Variants in HCFC2 observed in about 807,000 individuals in gnomAD.
The protein encoded by HCFC2 is host cell factor C2.
Under a neutral mutation model 89.2 loss-of-function variants are expected in HCFC2, and 18 were observed. The ratio of observed to expected loss-of-function variants is 0.20; its 90% CI spans 0.14 to 0.30. The LOEUF is 0.30. Ranked by LOEUF, HCFC2 falls within the 10% of genes least tolerant of loss-of-function variation. The probability of loss-of-function intolerance (pLI) is 1.00; values close to 1 mark genes in which losing one functional copy is unlikely to be tolerated. For missense variants in HCFC2, 578 were observed against 956.1 expected (o/e 0.60, Z 5.21); for synonymous variants, 308 against 335.7 (o/e 0.92, Z 0.90).
At chr12:104,094,438 C>G (rs1422446173) in intron 10 of HCFC2, among the ~76,000 whole-genome samples, 1 of 152,040 alleles carries the variant, frequency 6.6e-6, no homozygotes, top group African/African-American at 2.4e-5. Context: ...GAGGCATGAT[C>G]TATGCCTGCC....
At chr12:104,066,632 G>A (rs1455396022) in intron 2 of HCFC2, among the ~76,000 whole-genome samples, 2 of 152,168 alleles carry the variant, frequency 1.3e-5, no homozygotes. Flanking sequence ...ATATATTTAG[G>A]TTTTTGTATC....
At chr12:104,076,109 T>C (rs1883487047) in intron 3 of HCFC2, among the ~76,000 whole-genome samples, 1 of 152,268 alleles carries the variant, frequency 6.6e-6, no homozygotes, top group South Asian at 2.1e-4. Context: ...TTCTTGACTG[T>C]GTACAAGGTT....
chr12:104,077,102 C>T (rs780404963), intron 3 of HCFC2, among the ~76,000 whole-genome samples: 29 of 152,182 alleles, frequency 1.9e-4, no homozygotes, highest in Non-Finnish European at 3.5e-4. Flanking sequence ...GTTGTGTGAG[C>T]GGTCATTATC....
At chr12:104,082,939 AG>A in intron 7 of HCFC2, 38 bp downstream of exon 7, 1 of 1,471,840 alleles carries the variant, frequency 6.8e-7, no homozygotes, top group Non-Finnish European at 9.3e-7. Flanking sequence ...TTTTTCCTTT[AG>A]GTAAGCACTC....
At chr12:104,072,670 T>C (rs1883355843) in intron 3 of HCFC2, among the ~76,000 whole-genome samples, 1 of 151,404 alleles carries the variant, frequency 6.6e-6, no homozygotes, top group East Asian at 1.9e-4. Context: ...TGAGATGGAG[T>C]CTCGCTCTGT....
At chr12:104,066,106 C>A in intron 1 of HCFC2, 61 bp from the exon 2 acceptor site, 2 of 1,488,692 alleles carry the variant, frequency 1.3e-6, no homozygotes, top group Non-Finnish European at 1.9e-6. Flanking sequence ...TATATATTTG[C>A]TGATAGTATA....
At chr12:104,077,777 C>CT (rs1593596688) in intron 3 of HCFC2, among the ~76,000 whole-genome samples, 1 of 151,842 alleles carries the variant, frequency 6.6e-6, no homozygotes, top group East Asian at 1.9e-4. Context: ...AAATTACTGT[C>CT]TTTTTTTAAA....
rs183267808 is a variant in HCFC2 at position 104,104,556 on chromosome 12, T to A, written c.*1283T>A. ...TCTTTTTTTATACCACATAACCTTA[T>A]GCCAGTTTAGGTTGACTGAGTAGCT... On this transcript the variant is annotated 3_prime_UTR_variant, in exon 15 of 15. Coordinates refer to ENST00000229330, the MANE Select transcript of HCFC2 (RefSeq NM_013320.3). The A allele has an allele frequency of 2.0e-5, 3 of 152,148 alleles. No homozygotes were observed. The highest frequency in any genetic ancestry group is 4.8e-5 in the African/African-American group (2 of 41,562). 9.4% of individuals were successfully genotyped at this position (152,148 alleles called of 1,614,324 possible).
chr12:104,086,377 G>A (rs1883843998), intron 7 of HCFC2, among the ~76,000 whole-genome samples: 1 of 152,038 alleles, frequency 6.6e-6, no homozygotes, highest in Admixed American at 6.6e-5. Context: ...AATGTACGCT[G>A]TTGGCTGAAA....
rs190036947 is a variant in HCFC2 at position 104,096,287 on chromosome 12, A to G, written c.1667-73A>G. 183 of 973,176 alleles carry G rather than the reference A, an allele frequency of 1.9e-4. No homozygotes were observed. The African/African-American group carries it at 2.7e-3, about 14-fold the overall frequency. 60.3% of individuals were successfully genotyped at this position (973,176 alleles called of 1,614,324 possible). On this transcript the variant is annotated intron_variant, in intron 11 of 14. Transcript: ENST00000229330. Reference sequence around the variant, plus strand: ...GTTTACAGTTGGTGGCATTAAATATATATTTAAAAATTATATTTTAATGTA... The same window carrying G: ...GTTTACAGTTGGTGGCATTAAATATGTATTTAAAAATTATATTTTAATGTA...
chr12:104,084,467 G>A (rs1328739899), intron 7 of HCFC2, among the ~76,000 whole-genome samples: 1 of 152,182 alleles, frequency 6.6e-6, no homozygotes, highest in Non-Finnish European at 1.5e-5. Context: ...AGGAGTCTGA[G>A]ATGGGAATAC....
Position 104,079,146 on chromosome 12 carries a change from T to C in HCFC2, c.474-299T>C, listed in dbSNP as rs553275919. Among the ~76,000 whole-genome samples, 8 of 152,328 alleles carry C rather than the reference T, an allele frequency of 5.3e-5. No individual in the cohort carries two copies. The East Asian group carries it at 1.4e-3, about 26-fold the overall frequency. On this transcript the variant is annotated intron_variant, in intron 3 of 14. Transcript: ENST00000229330. ...GGAAGATTGTCAGAGGATTTGTAGCTATGTTTTAACACCAACAGTTGGCAA... is the reference window on the plus strand; with the variant it reads ...GGAAGATTGTCAGAGGATTTGTAGCCATGTTTTAACACCAACAGTTGGCAA...
At chr12:104,074,834 C>T (rs982951186) in intron 3 of HCFC2, among the ~76,000 whole-genome samples, 1 of 152,084 alleles carries the variant, frequency 6.6e-6, no homozygotes, top group East Asian at 1.9e-4. Flanking sequence ...GGGTTATGTT[C>T]TGAGGTCATG....
At chr12:104,100,137 C>T (rs375261379) in intron 13 of HCFC2, among the ~76,000 whole-genome samples, 13 of 152,130 alleles carry the variant, frequency 8.5e-5, no homozygotes, top group African/African-American at 2.9e-4. Flanking sequence ...CCCTGATATG[C>T]TATTAAATAC....
chr12:104,086,760 T>G, intron 7 of HCFC2, 87 bp from the exon 8 acceptor site: 1 of 1,213,548 alleles, frequency 8.2e-7, no homozygotes, highest in East Asian at 2.4e-5. Context: ...TTGCTGATGT[T>G]TTCAAAGCTC....
chr12:104,103,338 G>A lies in HCFC2; in HGVS notation c.*65G>A. 1.5e-6 allele frequency: 2 copies of A among 1,336,974 alleles called. No individual in the cohort carries two copies. The highest frequency in any genetic ancestry group is 2.1e-6 in the Non-Finnish European group (2 of 963,524). The allele number at this position is 1,336,974 out of a possible 1,614,324, so 82.8% of individuals were successfully genotyped here. A position where few individuals can be genotyped will look rare whatever the true frequency, so the allele number is the denominator to read the frequency against. ...TATTAGTAACTGGTTATGAAGATTTGTCATTTAAAAGAGTATTCTCTGGCT... is the reference window on the plus strand; with the variant it reads ...TATTAGTAACTGGTTATGAAGATTTATCATTTAAAAGAGTATTCTCTGGCT... On this transcript the variant is annotated 3_prime_UTR_variant, in exon 15 of 15. Transcript: ENST00000229330.
chr12:104,066,691 G>A (rs1883159056), intron 2 of HCFC2, among the ~76,000 whole-genome samples: 1 of 152,224 alleles, frequency 6.6e-6, no homozygotes, highest in South Asian at 2.1e-4. Context: ...TGGAGAACCT[G>A]TGAAAACACA....
intron 8 of HCFC2, 28 bp from the exon 9 acceptor site, chr12:104,087,958 T>G: frequency 2.1e-6 from 3 of 1,442,768 alleles, no homozygotes; most frequent in Middle Eastern, 1.8e-4. Flanking sequence ...TAAGAGCATA[T>G]CAGTCTGAAC....
chr12:104,070,622 A>G (rs1883291351), intron 3 of HCFC2, among the ~76,000 whole-genome samples: 1 of 152,192 alleles, frequency 6.6e-6, no homozygotes, highest in African/African-American at 2.4e-5. Flanking sequence ...CATAGCATAT[A>G]ATACAGTAGA....
Sources: gnomAD v4.1 joint callset for allele counts (sites outside exome capture counted in the v4.1 genomes callset) on GRCh38, gnomAD v4.1.1 for gene constraint, MANE v1.5 for transcripts, NCBI Gene and HGNC (gene_info 2026-07-23, HGNC 2026-07-21) for gene names.